The following STXBP5L variants were observed in gnomAD, a reference collection of about 807,000 sequenced individuals.
The protein encoded by STXBP5L is syntaxin binding protein 5L, also known as syntaxin-binding protein 5-like.
Under a neutral mutation model 144.5 loss-of-function variants are expected in STXBP5L, and 65 were observed. The observed-to-expected ratio is 0.45, with a 90% CI of 0.37 to 0.55. STXBP5L has a LOEUF of 0.55. STXBP5L is among the 20% of genes least tolerant of loss of function. STXBP5L has a pLI of 0.00. For missense variants in STXBP5L, 1,298 were observed against 1,405.5 expected, an observed-to-expected ratio of 0.92 and a Z score of 1.22; for synonymous variants, 505 against 469.6, an observed-to-expected ratio of 1.08 and a Z score of -0.97.
At chr3:121,005,328 TTTATTTGCATAGTGGTG>T (rs1008020095) in intron 3 of STXBP5L, among the ~76,000 whole-genome samples, 1 of 152,230 alleles carries the variant, frequency 6.6e-6, no homozygotes, top group Admixed American at 6.5e-5. Flanking sequence ...GATTTTCTAG[TTTATTTGCATAGTGGTG>T]TTTATAGTAT....
At chr3:120,993,527 A>T (rs1323835389) in intron 3 of STXBP5L, among the ~76,000 whole-genome samples, 1 of 151,974 alleles carries the variant, frequency 6.6e-6, no homozygotes, top group East Asian at 1.9e-4. Context: ...CTACATAAGG[A>T]TATGTCCAGT....
intron 19 of STXBP5L, among the ~76,000 whole-genome samples, chr3:121,294,121 A>T (rs2051554683): frequency 6.6e-6 from 1 of 152,238 alleles, no homozygotes; most frequent in South Asian, 2.1e-4. Context: ...TGTGTGAAGA[A>T]AATATTGTGG....
chr3:121,084,704 T>G (rs1038683857), intron 5 of STXBP5L, among the ~76,000 whole-genome samples: 9 of 152,212 alleles, frequency 5.9e-5, no homozygotes, highest in African/African-American at 2.2e-4. Context: ...ATGATTTACA[T>G]TCCTTTGGAT....
At chr3:121,390,063 G>C (rs1328073367) in intron 22 of STXBP5L, among the ~76,000 whole-genome samples, 1 of 152,098 alleles carries the variant, frequency 6.6e-6, no homozygotes, top group Non-Finnish European at 1.5e-5. Context: ...TATGAATCTG[G>C]GTGCTCCCAT....
chr3:121,222,855 T>C, intron 10 of STXBP5L, 148 bp from the exon 11 acceptor site: 1 of 705,550 alleles, frequency 1.4e-6, no homozygotes, highest in Non-Finnish European at 2.2e-6. Flanking sequence ...AGTAGGTTAT[T>C]GAATGAGAAA....
chr3:121,019,245 A>T (rs2108199674), intron 3 of STXBP5L, among the ~76,000 whole-genome samples: 1 of 152,300 alleles, frequency 6.6e-6, no homozygotes, highest in Non-Finnish European at 1.5e-5. Flanking sequence ...GTCTGAGCTC[A>T]GACATGCCTA....
chr3:121,058,746 A>G (rs940126019), intron 5 of STXBP5L, among the ~76,000 whole-genome samples: 1 of 152,090 alleles, frequency 6.6e-6, no homozygotes, highest in African/African-American at 2.4e-5. Context: ...GCTGTTTTTC[A>G]TATGTTTGTT....
intron 2 of STXBP5L, among the ~76,000 whole-genome samples, chr3:120,940,234 A>G (rs1424421624): frequency 6.6e-6 from 1 of 152,068 alleles, no homozygotes; most frequent in Non-Finnish European, 1.5e-5. Context: ...TTAAGTTGCA[A>G]TGTGTTTACA....
Position 121,270,320 on chromosome 3 carries a change from A to G in STXBP5L, c.1959-9485A>G, listed in dbSNP as rs745599066. ...GATTCAGGACTATTTTCTACTTCAC[A>G]TACCATATTAAATTTCTAGATATGT... On this transcript the variant is annotated intron_variant, in intron 18 of 26. Coordinates refer to ENST00000471454, the MANE Select transcript of STXBP5L (RefSeq NM_001308330.2). Among the ~76,000 whole-genome samples, 4 of 151,534 alleles carry G rather than the reference A, an allele frequency of 2.6e-5. No individual in the cohort carries two copies. The South Asian group carries it at 6.2e-4, about 24-fold the overall frequency.
chr3:121,215,951 T>C (rs899854468), intron 10 of STXBP5L, among the ~76,000 whole-genome samples: 8 of 152,230 alleles, frequency 5.3e-5, no homozygotes, highest in African/African-American at 1.9e-4. Flanking sequence ...TTTCATTAAG[T>C]TGATATTCAA....
At chr3:121,057,246 A>C (rs1388836933) in intron 5 of STXBP5L, among the ~76,000 whole-genome samples, 1 of 151,962 alleles carries the variant, frequency 6.6e-6, no homozygotes, top group Non-Finnish European at 1.5e-5. Flanking sequence ...TTAATGCTAC[A>C]TGTTAATGTA....
At position 121,392,952 on chromosome 3, in the gene STXBP5L, G is replaced by C. The variant is rs2046632674; in HGVS notation, c.2587+11420G>C. ...TTTTCTTTTGTATAAATAGCAGGTA[G>C]TGGGATCACTTGATCAAAAGATAGT... On this transcript the variant is annotated intron_variant, in intron 22 of 26. Coordinates refer to ENST00000471454, the MANE Select transcript of STXBP5L (RefSeq NM_001308330.2). 2.0e-5 allele frequency among the ~76,000 whole-genome samples: 3 copies of C among 151,660 alleles called. No individual in the cohort carries two copies. The South Asian group carries it at 6.2e-4, about 31-fold the overall frequency.
At chr3:121,164,157 T>C (rs1280280722) in intron 9 of STXBP5L, among the ~76,000 whole-genome samples, 1 of 152,138 alleles carries the variant, frequency 6.6e-6, no homozygotes, top group Non-Finnish European at 1.5e-5. Flanking sequence ...TTTTTCTATC[T>C]CTTTATAACT....
chr3:120,934,714 G>C (rs180838781), intron 2 of STXBP5L, among the ~76,000 whole-genome samples: 10 of 152,026 alleles, frequency 6.6e-5, no homozygotes, highest in Admixed American at 6.6e-4. Context: ...ATTTCCTCTG[G>C]AAGAATTAGC....
At position 121,091,605 on chromosome 3, in the gene STXBP5L, C is replaced by T. The variant is rs191127620; in HGVS notation, c.471-23320C>T. ...TTGAGAAGTGTATGTTCATGTCCTTCGCCCACTTTTTGATGGGGTTGTTTT... is the reference window on the plus strand; with the variant it reads ...TTGAGAAGTGTATGTTCATGTCCTTTGCCCACTTTTTGATGGGGTTGTTTT... On this transcript the variant is annotated intron_variant, in intron 5 of 26. Coordinates refer to ENST00000471454, the MANE Select transcript of STXBP5L (RefSeq NM_001308330.2). Among the ~76,000 whole-genome samples the T allele has an allele frequency of 2.4e-3, 358 of 152,168 alleles. 1 individual carries two copies. Among genetic ancestry groups the T allele is most frequent in the African/African-American group, 7.8e-3 (323 of 41,494 alleles).
chr3:121,344,246 A>G (rs2044855997), intron 20 of STXBP5L, among the ~76,000 whole-genome samples: 1 of 152,166 alleles, frequency 6.6e-6, no homozygotes, highest in South Asian at 2.1e-4. Context: ...ACAAAAATTA[A>G]TTCAAGATGG....
At chr3:121,085,740 C>T (rs1051115263) in intron 5 of STXBP5L, among the ~76,000 whole-genome samples, 1 of 152,110 alleles carries the variant, frequency 6.6e-6, no homozygotes, top group African/African-American at 2.4e-5. Context: ...TGAAAATGGC[C>T]ATATTGCCTA....
rs139311914 is a variant in STXBP5L, at chr3:121,350,211, C to G, written c.2177-28505C>G. On this transcript the variant is annotated intron_variant, in intron 20 of 26. Coordinates refer to ENST00000471454, the MANE Select transcript of STXBP5L (RefSeq NM_001308330.2). ...TGTAAAGGATCTTATTTCTCCTTCA[C>G]TTATGAAGCTTAGTTTGGCTGGATA... 1.6e-4 allele frequency among the ~76,000 whole-genome samples: 24 copies of G among 152,248 alleles called. No individual in the cohort carries two copies. In the East Asian group the frequency reaches 4.0e-3, roughly 26 times the overall value.
intron 10 of STXBP5L, among the ~76,000 whole-genome samples, chr3:121,213,685 G>T (rs1355381375): frequency 6.9e-6 from 1 of 144,238 alleles, no homozygotes; most frequent in Non-Finnish European, 1.5e-5. Flanking sequence ...TGTTGTTGTT[G>T]TGTCTCTGCC....
Sources: gnomAD v4.1 joint callset for allele counts (sites outside exome capture counted in the v4.1 genomes callset) on GRCh38, gnomAD v4.1.1 for gene constraint, MANE v1.5 for transcripts, NCBI Gene and HGNC (gene_info 2026-07-23, HGNC 2026-07-21) for gene names.